FRMD4A: variants seen among roughly 807,000 people sequenced by gnomAD.
The protein encoded by FRMD4A is FERM domain-containing protein 4A.
A neutral mutation model predicts 129.1 loss-of-function variants in FRMD4A; 29 were observed. That is an observed-to-expected ratio of 0.22 (90% CI 0.17 to 0.31). The LOEUF (loss-of-function observed/expected upper bound fraction) is 0.31, where lower values mean the gene tolerates loss of function less well. Among genes scored for constraint, FRMD4A ranks in the 10% least tolerant of loss-of-function variants. The pLI, the probability that FRMD4A is intolerant of heterozygous loss-of-function variation, is 1.00. For missense variants in FRMD4A, 1,272 were observed against 1,375.8 expected (o/e 0.92, Z 1.19); for synonymous variants, 634 against 571.6 (o/e 1.11, Z -1.56).
chr10:14,088,671 G>A (rs1054658643), intron 2 of FRMD4A, among the ~76,000 whole-genome samples: 1 of 150,782 alleles, frequency 6.6e-6, no homozygotes, highest in Non-Finnish European at 1.5e-5. Flanking sequence ...GGGAGGCTGA[G>A]GCAGGAGAAT....
chr10:14,315,994 C>T (rs1158140979), intron 2 of FRMD4A, among the ~76,000 whole-genome samples: 1 of 152,342 alleles, frequency 6.6e-6, no homozygotes, highest in East Asian at 1.9e-4. Flanking sequence ...GGGTTGGGTG[C>T]CCTGCTCTGT....
chr10:14,084,023 G>C (rs1268634272), intron 2 of FRMD4A, among the ~76,000 whole-genome samples: 1 of 152,184 alleles, frequency 6.6e-6, no homozygotes, highest in African/African-American at 2.4e-5. Context: ...AGCCCTTTTA[G>C]ACTTGTAAAT....
chr10:13,828,175 AT>A (rs1393548184), intron 3 of FRMD4A, among the ~76,000 whole-genome samples: 1 of 151,820 alleles, frequency 6.6e-6, no homozygotes, highest in Admixed American at 6.6e-5. Flanking sequence ...TTTTTTTCTT[AT>A]TTCTGTACAT....
In FRMD4A at chr10:13,808,279, C is replaced by T. The variant is rs542865598; in HGVS notation, c.206+2535G>A. 3.3e-5 allele frequency among the ~76,000 whole-genome samples: 5 copies of T among 152,314 alleles called. No individual in the cohort carries two copies. The East Asian group carries it at 9.6e-4, about 29-fold the overall frequency. On this transcript the variant is annotated intron_variant, in intron 4 of 24. Transcript: ENST00000357447. ...GTCATAAAGAATGGAACTACGATTG[C>T]ATTTTACTGTAAAACACACAGTGTA...
At chr10:14,060,521 C>T (rs1260635965) in intron 2 of FRMD4A, among the ~76,000 whole-genome samples, 3 of 152,166 alleles carry the variant, frequency 2.0e-5, no homozygotes, top group Non-Finnish European at 2.9e-5. Flanking sequence ...TGCTTCGAAG[C>T]CTGCCCTCTT....
At chr10:14,098,726 A>G (rs1381606902) in intron 2 of FRMD4A, among the ~76,000 whole-genome samples, 1 of 148,672 alleles carries the variant, frequency 6.7e-6, no homozygotes, top group African/African-American at 2.5e-5. Flanking sequence ...GTTCTCAAGA[A>G]CCCCCCAATC....
chr10:14,149,281 C>T (rs573812964), intron 2 of FRMD4A, among the ~76,000 whole-genome samples: 2 of 152,244 alleles, frequency 1.3e-5, no homozygotes, highest in South Asian at 4.2e-4. Context: ...AATGGAGACA[C>T]AGAAATACGT....
chr10:14,030,114 G>A (rs2131660551), intron 2 of FRMD4A, among the ~76,000 whole-genome samples: 1 of 152,314 alleles, frequency 6.6e-6, no homozygotes, highest in Admixed American at 6.5e-5. Context: ...GGGGAAATGG[G>A]GAGATGTTGG....
chr10:14,074,873 C>T (rs915345170), intron 2 of FRMD4A: 1 of 152,222 alleles, frequency 6.6e-6, no homozygotes, highest in Non-Finnish European at 1.5e-5. Context: ...AAGAAAAGCT[C>T]TCTGACCTTG....
At chr10:13,903,712 A>AT (rs1305874119) in intron 2 of FRMD4A, among the ~76,000 whole-genome samples, 18 of 151,902 alleles carry the variant, frequency 1.2e-4, no homozygotes, top group African/African-American at 3.9e-4. Flanking sequence ...TCTCTAAAAA[A>AT]ATAAAAATAA....
intron 2 of FRMD4A, among the ~76,000 whole-genome samples, chr10:13,950,905 G>A (rs1041114514): frequency 2.6e-5 from 4 of 152,066 alleles, no homozygotes; most frequent in African/African-American, 9.7e-5. Flanking sequence ...ATATTTGAGA[G>A]TCACAGATAA....
chr10:14,109,715 T>C lies in FRMD4A; in HGVS notation c.45+220343A>G, dbSNP rs1837781450. On this transcript the variant is annotated intron_variant, in intron 2 of 24. Coordinates refer to ENST00000357447, the MANE Select transcript of FRMD4A (RefSeq NM_018027.5). ...GACCAGGTTCGGTGGCTCACGCTTG[T>C]AATCTCAGCACTTTGGGAGGCTGAG... Among the ~76,000 whole-genome samples the C allele has an allele frequency of 3.3e-5, 5 of 152,276 alleles. No homozygotes were observed. In the South Asian group the frequency reaches 1.0e-3, roughly 32 times the overall value.
intron 5 of FRMD4A, among the ~76,000 whole-genome samples, chr10:13,784,731 G>T (rs945940056): frequency 2.0e-5 from 3 of 152,154 alleles, no homozygotes; most frequent in African/African-American, 7.2e-5. Flanking sequence ...GCTCACACCT[G>T]TCATCCCAGC....
At chr10:13,699,365 T>C (rs1446477903) in intron 14 of FRMD4A, among the ~76,000 whole-genome samples, 2 of 151,520 alleles carry the variant, frequency 1.3e-5, no homozygotes, top group Non-Finnish European at 2.9e-5. Context: ...GCGTGAGCCA[T>C]GGCGGCCGGC....
chr10:13,713,116 C>T (rs1564669576), intron 12 of FRMD4A, among the ~76,000 whole-genome samples: 1 of 152,208 alleles, frequency 6.6e-6, no homozygotes, highest in Non-Finnish European at 1.5e-5. Context: ...TCCCCCGCTG[C>T]CCCTGAGGCT....
chr10:13,958,623 T>C (rs547739213), intron 2 of FRMD4A, among the ~76,000 whole-genome samples: 76 of 148,222 alleles, frequency 5.1e-4, no homozygotes, highest in Non-Finnish European at 7.9e-4. Context: ...CCCGCTCTTC[T>C]TGCCCAGGCT....
At chr10:14,226,643 G>T (rs1326997) in intron 2 of FRMD4A, among the ~76,000 whole-genome samples, 1 of 152,000 alleles carries the variant, frequency 6.6e-6, no homozygotes, top group Admixed American at 6.6e-5. Flanking sequence ...AAACTTGCCC[G>T]TGTTCTAAGG....
At chr10:13,986,575 C>A (rs990388575) in intron 2 of FRMD4A, among the ~76,000 whole-genome samples, 1 of 145,880 alleles carries the variant, frequency 6.9e-6, no homozygotes, top group Admixed American at 6.9e-5. Context: ...TGCAGCACAC[C>A]AGCATGGCAC....
At chr10:14,276,259 T>A (rs1034250094) in intron 2 of FRMD4A, among the ~76,000 whole-genome samples, 2 of 152,134 alleles carry the variant, frequency 1.3e-5, no homozygotes, top group African/African-American at 4.8e-5. Flanking sequence ...ACACTGGCCA[T>A]GAAAGGGCAC....
Sources: gnomAD v4.1 joint callset for allele counts (sites outside exome capture counted in the v4.1 genomes callset) on GRCh38, gnomAD v4.1.1 for gene constraint, MANE v1.5 for transcripts, NCBI Gene and HGNC (gene_info 2026-07-23, HGNC 2026-07-21) for gene names.